Variants in BNC2 observed in about 807,000 individuals in gnomAD.
The protein encoded by BNC2 is basonuclin zinc finger protein 2.
A neutral mutation model predicts 76.3 loss-of-function variants in BNC2; 20 were observed. That is an observed-to-expected ratio of 0.26 (90% confidence interval 0.18 to 0.38). The LOEUF is 0.38. Ranked by LOEUF, BNC2 falls within the 10% of genes least tolerant of loss-of-function variation. BNC2 has a pLI of 1.00. For missense variants in BNC2, 1,382 were observed against 1,399.8 expected (o/e 0.99, Z 0.20); for synonymous variants, 582 against 514.8 (o/e 1.13, Z -1.77).
At chr9:16,498,497 G>A (rs1415897314) in intron 5 of BNC2, among the ~76,000 whole-genome samples, 8 of 150,674 alleles carry the variant, frequency 5.3e-5, no homozygotes, top group Non-Finnish European at 1.0e-4. Flanking sequence ...ATGATACAAC[G>A]GACTTTGGGG....
chr9:16,421,442 C>T (rs957952046), intron 6 of BNC2: 6 of 402,108 alleles, frequency 1.5e-5, no homozygotes, highest in Middle Eastern at 9.9e-4. Context: ...GTTCTGATCA[C>T]AAAATTATTT....
chr9:16,461,529 C>G (rs1017314718), intron 5 of BNC2, among the ~76,000 whole-genome samples: 1 of 149,756 alleles, frequency 6.7e-6, no homozygotes, highest in Non-Finnish European at 1.5e-5. Context: ...GATACTTAGA[C>G]TCTTAATCTA....
At chr9:16,800,097 C>T (rs2026803) in intron 1 of BNC2, among the ~76,000 whole-genome samples, 13,390 of 151,860 alleles carry the variant, frequency 0.088, 654 homozygotes, top group African/African-American at 0.13. Context: ...TGGTAGCAGG[C>T]GCCTGTAGTC....
chr9:16,813,628 A>C (rs1026921060), intron 1 of BNC2, among the ~76,000 whole-genome samples: 2 of 152,156 alleles, frequency 1.3e-5, no homozygotes, highest in Non-Finnish European at 2.9e-5. Context: ...GTGAGAATGG[A>C]AAGAGGGGAT....
intron 5 of BNC2, among the ~76,000 whole-genome samples, chr9:16,463,898 C>A: frequency 6.6e-6 from 1 of 151,794 alleles, no homozygotes; most frequent in Non-Finnish European, 1.5e-5. Context: ...GTGTTTGAGA[C>A]CACCTGGGCC....
chr9:16,755,756 C>G (rs536391434), intron 1 of BNC2, among the ~76,000 whole-genome samples: 1 of 152,320 alleles, frequency 6.6e-6, no homozygotes, highest in East Asian at 1.9e-4. Context: ...CTCAAATCTG[C>G]TCCTCCTCCA....
intron 1 of BNC2, among the ~76,000 whole-genome samples, chr9:16,772,044 T>A (rs775733996): frequency 2.0e-5 from 3 of 152,212 alleles, no homozygotes; most frequent in Non-Finnish European, 4.4e-5. Flanking sequence ...AGCCTTAATC[T>A]TAAAACAAAT....
At chr9:16,868,061 T>C (rs773880621) in intron 1 of BNC2, 7 of 152,118 alleles carry the variant, frequency 4.6e-5, no homozygotes, top group Non-Finnish European at 8.8e-5. Context: ...GGCTGCAACA[T>C]GAAAGTACTT....
chr9:16,747,411 A>C (rs576130686), intron 1 of BNC2, among the ~76,000 whole-genome samples: 1 of 152,352 alleles, frequency 6.6e-6, no homozygotes, highest in Non-Finnish European at 1.5e-5. Flanking sequence ...AAGGGCACAG[A>C]GTCAAGGAGA....
intron 3 of BNC2, among the ~76,000 whole-genome samples, chr9:16,660,048 C>G (rs991916617): frequency 6.6e-6 from 1 of 152,192 alleles, no homozygotes; most frequent in South Asian, 2.1e-4. Context: ...ATCTCACCCC[C>G]AAATAAGTTT....
chr9:16,513,523 T>C (rs1416457950), intron 5 of BNC2, among the ~76,000 whole-genome samples: 1 of 152,036 alleles, frequency 6.6e-6, no homozygotes, highest in Non-Finnish European at 1.5e-5. Flanking sequence ...GCCAGGATGG[T>C]CTCGATTTCC....
intron 5 of BNC2, among the ~76,000 whole-genome samples, chr9:16,539,705 AGG>A (rs1818250792): frequency 8.4e-6 from 1 of 119,264 alleles, no homozygotes; most frequent in African/African-American, 3.9e-5. Flanking sequence ...AAAGGAAGGG[AGG>A]AAGGAAGGAA....
chr9:16,765,440 T>G (rs1212913094), intron 1 of BNC2, among the ~76,000 whole-genome samples: 2 of 152,188 alleles, frequency 1.3e-5, no homozygotes, highest in East Asian at 3.9e-4. Flanking sequence ...ACAATATTAC[T>G]CAATATTATT....
chr9:16,622,551 C>T (rs934031386), intron 3 of BNC2, among the ~76,000 whole-genome samples: 11 of 152,268 alleles, frequency 7.2e-5, no homozygotes, highest in South Asian at 6.2e-4. Context: ...ACCAAAGCCT[C>T]AGAGAAGGTT....
At chr9:16,687,098 G>C (rs1285231541) in intron 3 of BNC2, among the ~76,000 whole-genome samples, 1 of 151,892 alleles carries the variant, frequency 6.6e-6, no homozygotes, top group Non-Finnish European at 1.5e-5. Context: ...GCTTAGAGTA[G>C]GTAAATAACT....
At chr9:16,489,889 G>A (rs1297012616) in intron 5 of BNC2, among the ~76,000 whole-genome samples, 1 of 152,152 alleles carries the variant, frequency 6.6e-6, no homozygotes, top group Non-Finnish European at 1.5e-5. Flanking sequence ...TAGAACAAGA[G>A]CCCTCGTGTA....
At chr9:16,531,168 C>G (rs1196194020) in intron 5 of BNC2, among the ~76,000 whole-genome samples, 14 of 152,068 alleles carry the variant, frequency 9.2e-5, no homozygotes. Flanking sequence ...TAAACACTTG[C>G]AAGGAAGAAG....
At chr9:16,827,884 A>G (rs1217586099) in intron 1 of BNC2, among the ~76,000 whole-genome samples, 2 of 152,216 alleles carry the variant, frequency 1.3e-5, no homozygotes, top group Non-Finnish European at 2.9e-5. Context: ...GTTTGAATCC[A>G]TATGATATGC....
At chr9:16,754,103 T>G (rs897920028) in intron 1 of BNC2, among the ~76,000 whole-genome samples, 2 of 152,172 alleles carry the variant, frequency 1.3e-5, no homozygotes, top group African/African-American at 2.4e-5. Context: ...TAACCGACAC[T>G]CTCAGAACTG....
Sources: gnomAD v4.1 joint callset for allele counts (sites outside exome capture counted in the v4.1 genomes callset) on GRCh38, gnomAD v4.1.1 for gene constraint, MANE v1.5 for transcripts, NCBI Gene and HGNC (gene_info 2026-07-23, HGNC 2026-07-21) for gene names.